The following THSD7B variants were observed in gnomAD, a reference collection of about 807,000 sequenced individuals.
THSD7B encodes thrombospondin type-1 domain-containing protein 7B.
THSD7B carries 138 observed loss-of-function variants against 213.6 expected under a neutral mutation model. The observed-to-expected ratio is 0.65, with a 90% CI of 0.56 to 0.74. THSD7B has a LOEUF of 0.74. Among genes scored for constraint, THSD7B ranks in the 30% least tolerant of loss-of-function variants. THSD7B has a pLI of 0.00. For missense variants in THSD7B, 1,931 were observed against 1,991.5 expected (o/e 0.97, Z 0.58); for synonymous variants, 742 against 687.0 (o/e 1.08, Z -1.25).
At chr2:137,465,532 C>T (rs1278016002) in intron 15 of THSD7B, among the ~76,000 whole-genome samples, 1 of 152,088 alleles carries the variant, frequency 6.6e-6, no homozygotes, top group Admixed American at 6.6e-5. Context: ...CTGTCTAAGG[C>T]AACCCCTTCA....
intron 9 of THSD7B, among the ~76,000 whole-genome samples, chr2:137,238,484 A>G (rs1045585141): frequency 4.7e-5 from 7 of 149,184 alleles, no homozygotes; most frequent in African/African-American, 7.4e-5. Flanking sequence ...TTTCCTTACC[A>G]GAGTAGCTTG....
chr2:136,957,197 G>A (rs1354964697), intron 2 of THSD7B, among the ~76,000 whole-genome samples: 1 of 152,132 alleles, frequency 6.6e-6, no homozygotes, highest in Non-Finnish European at 1.5e-5. Flanking sequence ...CATACTCTGA[G>A]GCCTTGGGCT....
In THSD7B at chr2:136,850,398, A is replaced by T. The variant is rs532297460; in HGVS notation, c.-35-31746A>T. Reference sequence around the variant, plus strand: ...GAAAGACCTCTCTAATATTGCCTAAAAGAAAAGTAAAGCAAATGATATAAA... The same window carrying T: ...GAAAGACCTCTCTAATATTGCCTAATAGAAAAGTAAAGCAAATGATATAAA... On this transcript the variant is annotated intron_variant, in intron 1 of 27. Coordinates refer to ENST00000409968, the MANE Select transcript of THSD7B (RefSeq NM_001316349.2). Among the ~76,000 whole-genome samples the T allele has an allele frequency of 4.6e-5, 7 of 152,198 alleles. No homozygotes were observed. In the South Asian group the frequency reaches 1.5e-3, roughly 32 times the overall value.
chr2:137,084,581 C>A (rs553073299), intron 3 of THSD7B, among the ~76,000 whole-genome samples: 21 of 152,240 alleles, frequency 1.4e-4, no homozygotes, highest in African/African-American at 5.1e-4. Context: ...GACTTGTAGG[C>A]AGGAGCAACC....
chr2:137,165,750 A>G (rs940055055), intron 6 of THSD7B, among the ~76,000 whole-genome samples: 1 of 84,106 alleles, frequency 1.2e-5, no homozygotes, highest in African/African-American at 4.5e-5. Flanking sequence ...GATATTTCAT[A>G]CTCTTAAAAA....
At chr2:137,038,489 T>C (rs951985157) in intron 2 of THSD7B, among the ~76,000 whole-genome samples, 1 of 152,214 alleles carries the variant, frequency 6.6e-6, no homozygotes, top group Non-Finnish European at 1.5e-5. Context: ...GCATCATTGC[T>C]GGGACCTTTT....
chr2:136,858,853 C>T (rs1649540), intron 1 of THSD7B, among the ~76,000 whole-genome samples: 121,570 of 152,198 alleles, frequency 0.8, 48,895 homozygotes, highest in Middle Eastern at 0.94. Flanking sequence ...TATTTCCAGG[C>T]GGATGCGACA....
chr2:137,361,914 C>T (rs1053133573), intron 12 of THSD7B, among the ~76,000 whole-genome samples: 7 of 151,924 alleles, frequency 4.6e-5, no homozygotes, highest in African/African-American at 1.5e-4. Context: ...GAAGAGCAAC[C>T]CCAAAACACA....
At chr2:137,397,887 A>C in intron 12 of THSD7B, among the ~76,000 whole-genome samples, 1 of 68,542 alleles carries the variant, frequency 1.5e-5, no homozygotes, top group Non-Finnish European at 2.9e-5. Context: ...TTTTTCTCTA[A>C]ACTTCCCTTC....
intron 1 of THSD7B, among the ~76,000 whole-genome samples, chr2:136,867,395 A>T (rs1683350027): frequency 6.6e-6 from 1 of 152,184 alleles, no homozygotes; most frequent in South Asian, 2.1e-4. Flanking sequence ...AAGGACAAGC[A>T]TGCAAACAAG....
chr2:137,285,639 A>G (rs1414245359), intron 12 of THSD7B, among the ~76,000 whole-genome samples: 1 of 151,224 alleles, frequency 6.6e-6, no homozygotes, highest in Non-Finnish European at 1.5e-5. Flanking sequence ...TAAATAATGG[A>G]GATCTAAAGT....
chr2:137,502,978 C>T (rs1679744736), intron 15 of THSD7B, among the ~76,000 whole-genome samples: 1 of 152,106 alleles, frequency 6.6e-6, no homozygotes, highest in African/African-American at 2.4e-5. Context: ...CTGCATATTA[C>T]ATATATTACA....
At chr2:137,108,100 A>G (rs1688288684) in intron 4 of THSD7B, among the ~76,000 whole-genome samples, 1 of 152,220 alleles carries the variant, frequency 6.6e-6, no homozygotes, top group Non-Finnish European at 1.5e-5. Context: ...AATTCCAAGA[A>G]TGTTTGCAAA....
At chr2:136,895,514 CTTTTTT>C (rs71301798) in intron 2 of THSD7B, among the ~76,000 whole-genome samples, 37 of 73,926 alleles carry the variant, frequency 5.0e-4, no homozygotes, top group East Asian at 2.9e-3. Flanking sequence ...CAAGTGGAGA[CTTTTTT>C]TTTTTTTTTT....
chr2:136,804,118 A>G (rs1164206375), intron 1 of THSD7B, among the ~76,000 whole-genome samples: 1 of 152,168 alleles, frequency 6.6e-6, no homozygotes, highest in Non-Finnish European at 1.5e-5. Context: ...ACTCCTGTAC[A>G]AAGCTGGATA....
chr2:137,079,609 ATG>A (rs930759656), intron 3 of THSD7B, among the ~76,000 whole-genome samples: 1 of 152,110 alleles, frequency 6.6e-6, no homozygotes, highest in African/African-American at 2.4e-5. Context: ...CCACTACGAT[ATG>A]TGTGTCTTTT....
At chr2:137,238,330 C>T (rs1681813276) in intron 9 of THSD7B, among the ~76,000 whole-genome samples, 1 of 152,064 alleles carries the variant, frequency 6.6e-6, no homozygotes, top group African/African-American at 2.4e-5. Context: ...GTTGTGTTTT[C>T]ATTCCCAGCT....
chr2:137,316,763 A>ATG (rs1684117712), intron 12 of THSD7B, among the ~76,000 whole-genome samples: 1 of 116,756 alleles, frequency 8.6e-6, no homozygotes, highest in South Asian at 2.9e-4. Context: ...GTCTCAAAAA[A>ATG]AAAAAAGAAA....
Position 137,589,567 on chromosome 2 carries a change from C to T in THSD7B, c.3423+17011C>T, listed in dbSNP as rs62168018. 3.8e-3 allele frequency among the ~76,000 whole-genome samples: 574 copies of T among 152,192 alleles called. 2 individuals carry two copies. Among genetic ancestry groups the T allele is most frequent in the Non-Finnish European group, 5.8e-3 (393 of 67,990 alleles). On this transcript the variant is annotated intron_variant, in intron 17 of 27. Transcript: ENST00000409968. ...TAAAATATTATTGCCAGCATAGAGG[C>T]GGTATAGTGTTGGGTTTTCTTTTTG...
Sources: allele counts gnomAD v4.1 joint callset (sites outside exome capture counted in the v4.1 genomes callset), GRCh38; gene constraint gnomAD v4.1.1; transcripts MANE v1.5; gene names NCBI Gene and HGNC (gene_info 2026-07-23, HGNC 2026-07-21).